Variants in ATPAF2 observed in about 807,000 individuals in gnomAD.
ATPAF2 encodes the protein ATP synthase mitochondrial F1 complex assembly factor 2, also known as ATP12 homolog.
ATPAF2 carries 30 observed loss-of-function variants against 36.6 expected under a neutral mutation model. The ratio of observed to expected loss-of-function variants is 0.82; its 90% CI spans 0.61 to 1.11. The LOEUF is 1.11. ATPAF2 is among the 50% of genes most tolerant of loss of function. The probability of loss-of-function intolerance (pLI) is 0.00; values close to 1 mark genes in which losing one functional copy is unlikely to be tolerated. For synonymous variants in ATPAF2, 140 were observed against 152.6 expected, an observed-to-expected ratio of 0.92 and a Z score of 0.61; for missense variants, 321 against 372.3, an observed-to-expected ratio of 0.86 and a Z score of 1.13.
At chr17:18,036,984 T>C (rs1462471403) in intron 1 of ATPAF2, among the ~76,000 whole-genome samples, 1 of 152,054 alleles carries the variant, frequency 6.6e-6, no homozygotes, top group East Asian at 1.9e-4. Context: ...GGCAGGAGAA[T>C]TGCTTGAATC....
chr17:18,029,240 A>G (rs1221926559), intron 1 of ATPAF2, among the ~76,000 whole-genome samples: 4 of 152,266 alleles, frequency 2.6e-5, no homozygotes, highest in Non-Finnish European at 4.4e-5. Flanking sequence ...AAGAATGGGA[A>G]AATCTATGTC....
intron 4 of ATPAF2, chr17:18,025,010 C>T (rs761407972): frequency 3.6e-4 from 154 of 425,274 alleles, no homozygotes; most frequent in Non-Finnish European, 5.5e-4. Flanking sequence ...AGTTTGAGAA[C>T]CACTACCCTA....
chr17:18,026,526 C>T (rs112716934), intron 3 of ATPAF2, 110 bp from the exon 4 acceptor site: 22 of 845,348 alleles, frequency 2.6e-5, no homozygotes, highest in African/African-American at 2.2e-4. Context: ...CACAGCACAG[C>T]CCTCCACCAG....
rs2044571569 is a variant in ATPAF2 at position 18,027,940 on chromosome 17, G to A, written c.324+292C>T. On this transcript the variant is annotated intron_variant, in intron 3 of 7. Transcript: ENST00000474627. ...TAAGTGCTGACAAAACAAATGGCCA[G>A]CTGCTGTCATAGAAAATAAGAGAGC... 4 of 454,846 alleles carry A rather than the reference G, an allele frequency of 8.8e-6. No homozygotes were observed. In the South Asian group the frequency reaches 9.5e-5, roughly 11 times the overall value. 28.2% of individuals were successfully genotyped at this position (454,846 alleles called of 1,614,324 possible).
intron 7 of ATPAF2, among the ~76,000 whole-genome samples, chr17:18,020,284 T>C (rs1319576065): frequency 6.6e-6 from 1 of 152,214 alleles, no homozygotes; most frequent in Admixed American, 6.5e-5. Flanking sequence ...AAAACTTGTA[T>C]ACAAACAGCA....
downstream of ATPAF2, chr17:18,015,155 G>C (rs2044309835): frequency 6.6e-6 from 1 of 152,216 alleles, no homozygotes; most frequent in African/African-American, 2.4e-5. Flanking sequence ...GGATGTGCTG[G>C]CTTTCCCAAA....
intron 5 of ATPAF2, among the ~76,000 whole-genome samples, chr17:18,022,193 T>C (rs1398513950): frequency 6.6e-6 from 1 of 152,244 alleles, no homozygotes; most frequent in Non-Finnish European, 1.5e-5. Flanking sequence ...TACATCTCTT[T>C]AAAGTTTTTC....
chr17:18,015,925 G>A (rs1001837439), downstream of ATPAF2: 14 of 814,342 alleles, frequency 1.7e-5, no homozygotes, highest in Admixed American at 2.5e-5. Flanking sequence ...GGCAGAGTGC[G>A]CTGATACAAA....
intron 1 of ATPAF2, among the ~76,000 whole-genome samples, chr17:18,030,320 CAAAAAAAAAAAAAAA>C (rs1162130285): frequency 3.1e-5 from 2 of 64,112 alleles, no homozygotes; most frequent in Admixed American, 4.2e-4. Context: ...GACTCCATCT[CAAAAAAAAAAAAAAA>C]AAAAAAAAGA....
chr17:18,022,049 A>G (rs548695028), intron 5 of ATPAF2, among the ~76,000 whole-genome samples, 192 bp from the exon 6 acceptor site: 10 of 152,188 alleles, frequency 6.6e-5, no homozygotes, highest in African/African-American at 2.4e-4. Flanking sequence ...TCAAAAGCAA[A>G]CTTGGAGGAC....
intron 7 of ATPAF2, among the ~76,000 whole-genome samples, chr17:18,019,183 A>ACACACACACACACACCCCAC (rs1396685458): frequency 2.0e-5 from 3 of 150,716 alleles, no homozygotes; most frequent in African/African-American, 7.4e-5. Context: ...ACACACACAC[A>ACACACACACACACACCCCAC]CACCCCACCA....
intron 7 of ATPAF2, among the ~76,000 whole-genome samples, chr17:18,019,174 C>CACACAT: frequency 6.6e-6 from 1 of 151,572 alleles, no homozygotes; most frequent in Non-Finnish European, 1.5e-5. Context: ...CACACACACA[C>CACACAT]ACACACACAC....
rs1052960618 is a variant in ATPAF2 at position 18,038,901 on chromosome 17, C to A, written c.113G>T (p.Arg38Leu). Residue 38 changes from arginine (R) to leucine (L), a missense_variant, in exon 1 of 8, where the codon CGG (arginine) becomes CTG (leucine). Physicochemically the swap from Arg to Leu is moderately radical, Grantham distance 102. This residue lies in a region of ATPAF2 where 69 missense variants were observed against 60.1 expected (regional missense o/e 1.15). Coordinates refer to ENST00000474627, the MANE Select transcript of ATPAF2 (RefSeq NM_145691.4). ...CTTACCTGTCGGCGGGGCGTAAGCC[C>A]GGGCTGGAGACGGGATGGTTGGCCC... ...SPGPTIPSPA[R>L]AYAPPTERKR... 6.8e-6 allele frequency: 11 copies of A among 1,613,866 alleles called. No individual in the cohort carries two copies. In the African/African-American group the frequency reaches 1.1e-4, roughly 16 times the overall value.
chr17:18,037,925 G>A lies in ATPAF2; in HGVS notation c.133+956C>T, dbSNP rs561494657. Among the ~76,000 whole-genome samples the A allele has an allele frequency of 5.3e-5, 8 of 152,276 alleles. No individual in the cohort carries two copies. In the South Asian group the frequency reaches 6.2e-4, roughly 12 times the overall value. ...CTATCATGGCTCAGCTTAAACAAACGCCCTTTCACCCAAGACCCATTCTAA... is the reference window on the plus strand; with the variant it reads ...CTATCATGGCTCAGCTTAAACAAACACCCTTTCACCCAAGACCCATTCTAA... On this transcript the variant is annotated intron_variant, in intron 1 of 7. Coordinates refer to ENST00000474627, the MANE Select transcript of ATPAF2 (RefSeq NM_145691.4).
chr17:18,018,373 G>A lies in ATPAF2; in HGVS notation c.*176C>T. 2 of 851,764 alleles carry A rather than the reference G, an allele frequency of 2.3e-6. No individual in the cohort carries two copies. The highest frequency in any genetic ancestry group is 3.7e-6 in the Non-Finnish European group (2 of 546,374). 52.8% of individuals were successfully genotyped at this position (851,764 alleles called of 1,614,324 possible). On this transcript the variant is annotated 3_prime_UTR_variant, in exon 8 of 8. Transcript: ENST00000474627. ...GCCAGGGGCACCTGGGTTGAAATCA[G>A]GCTGACCTCCGGACAGCCGTACTAG...
rs991465138 is a variant in ATPAF2, at chr17:18,024,534, G to GCAC, written c.503+87_503+89dup. Reference sequence around the variant, plus strand: ...AAATCAGAAAGCTGACTAGCTAAGGGCACTAGTTTTCCAGCGTGACCCCCT... The same window carrying GCAC: ...AAATCAGAAAGCTGACTAGCTAAGGGCACCACTAGTTTTCCAGCGTGACCCCCT... On this transcript the variant is annotated intron_variant, in intron 5 of 7. Coordinates refer to ENST00000474627, the MANE Select transcript of ATPAF2 (RefSeq NM_145691.4). 13 of 1,067,948 alleles carry GCAC rather than the reference G, an allele frequency of 1.2e-5. No homozygotes were observed. In the African/African-American group the frequency reaches 2.0e-4, roughly 17 times the overall value. The allele number at this position is 1,067,948 out of a possible 1,614,324, so 66.2% of individuals were successfully genotyped here. A position where few individuals can be genotyped will look rare whatever the true frequency, so the allele number is the denominator to read the frequency against.
Position 18,021,791 on chromosome 17 carries a change from C to A in ATPAF2, c.570G>T (p.Glu190Asp), listed in dbSNP as rs771868422. ...MGPSIPAKTREVLVSHLASYN... is the reference protein window; with the variant it reads ...MGPSIPAKTRDVLVSHLASYN... ...AAGATGCCAGGTGGCTGACGAGCAC[C>A]TCCCGAGTTTTGGCAGGGATGCTGG... is the stretch of plus-strand genomic sequence containing the variant. The change falls in exon 6 of 8, where the codon GAG (glutamate) becomes GAT (aspartate). Residue 190 changes from glutamate to aspartate, a missense_variant. By Grantham distance (45) the Glu-to-Asp change is conservative (BLOSUM62 2). Coordinates refer to ENST00000474627, the MANE Select transcript of ATPAF2 (RefSeq NM_145691.4). 2 of 1,614,198 alleles carry A rather than the reference C, an allele frequency of 1.2e-6. No individual in the cohort carries two copies. Among genetic ancestry groups the A allele is most frequent in the Non-Finnish European group, 1.7e-6 (2 of 1,180,034 alleles).
intron 1 of ATPAF2, among the ~76,000 whole-genome samples, chr17:18,035,600 T>C (rs2044692730): frequency 6.6e-6 from 1 of 152,278 alleles, no homozygotes; most frequent in Non-Finnish European, 1.5e-5. Context: ...TAGCAAACTT[T>C]TTCTGCAAAG....
At position 18,018,458 on chromosome 17, in the gene ATPAF2, G is replaced by A; in HGVS notation, c.*91C>T. On this transcript the variant is annotated 3_prime_UTR_variant, in exon 8 of 8. Transcript: ENST00000474627. ...CTGAGGCCGAGTCCCCAAAAGCCAA[G>A]GAAGCCAGCCCCACAGGCTGGGGAG... The A allele has an allele frequency of 1.3e-6, 2 of 1,584,260 alleles. No individual in the cohort carries two copies. Among genetic ancestry groups the A allele is most frequent in the Non-Finnish European group, 1.7e-6 (2 of 1,165,420 alleles).
Sources: gnomAD v4.1 joint callset for allele counts (sites outside exome capture counted in the v4.1 genomes callset) on GRCh38, gnomAD v4.1.1 for gene constraint, gnomAD v4.1.1 regional missense constraint, MANE v1.5 for transcripts, NCBI Gene and HGNC (gene_info 2026-07-23, HGNC 2026-07-21) for gene names.